The following RPTOR variants were observed in gnomAD, a reference collection of about 807,000 sequenced individuals.
RPTOR encodes regulatory associated protein of MTOR complex 1.
Under a neutral mutation model 169.9 loss-of-function variants are expected in RPTOR, and 21 were observed. That is an observed-to-expected ratio of 0.12 (90% CI 0.09 to 0.18). RPTOR has a LOEUF of 0.18. Ranked by LOEUF, RPTOR falls within the 10% of genes least tolerant of loss-of-function variation. The pLI, the probability that RPTOR is intolerant of heterozygous loss-of-function variation, is 1.00. For missense variants in RPTOR, 1,133 were observed against 1,855.9 expected, an observed-to-expected ratio of 0.61 and a Z score of 7.16; for synonymous variants, 732 against 753.2, an observed-to-expected ratio of 0.97 and a Z score of 0.46.
chr17:80,798,034 T>C (rs373946394), intron 7 of RPTOR, among the ~76,000 whole-genome samples: 27 of 152,342 alleles, frequency 1.8e-4, no homozygotes, highest in African/African-American at 6.5e-4. Flanking sequence ...TTCCCTTCAC[T>C]GAACATGTCA....
chr17:80,864,904 T>C (rs1376687126), intron 13 of RPTOR, among the ~76,000 whole-genome samples: 9 of 152,248 alleles, frequency 5.9e-5, no homozygotes, highest in Non-Finnish European at 8.8e-5. Flanking sequence ...CACCGCTCAC[T>C]GTAAGCTCAC....
chr17:80,635,154 C>T (rs1244212089), intron 2 of RPTOR, among the ~76,000 whole-genome samples: 1 of 152,204 alleles, frequency 6.6e-6, no homozygotes, highest in Admixed American at 6.5e-5. Context: ...TCTGCCATTG[C>T]TGCTCCTCTC....
At chr17:80,793,470 A>G (rs1260246933) in intron 7 of RPTOR, among the ~76,000 whole-genome samples, 1 of 151,880 alleles carries the variant, frequency 6.6e-6, no homozygotes, top group African/African-American at 2.4e-5. Context: ...CCCTGTGGCT[A>G]TTTCCATGGT....
intron 10 of RPTOR, among the ~76,000 whole-genome samples, chr17:80,841,778 C>G (rs1344314604): frequency 7.0e-6 from 1 of 142,450 alleles, no homozygotes. Context: ...CGCACGGCAG[C>G]TCACTCTCAC....
At chr17:80,737,104 T>C (rs1442931894) in intron 5 of RPTOR, among the ~76,000 whole-genome samples, 1 of 152,252 alleles carries the variant, frequency 6.6e-6, no homozygotes, top group Non-Finnish European at 1.5e-5. Context: ...AAGTTGTCTC[T>C]GTTTCCTCCA....
Position 80,962,657 on chromosome 17 carries a change from G to GC in RPTOR, c.3809+85dup, listed in dbSNP as rs201960993. 2.1e-3 allele frequency: 2,714 copies of GC among 1,321,248 alleles called. 33 individuals carry two copies. Among genetic ancestry groups the GC allele is most frequent in the South Asian group, 0.019 (1,484 of 78,914 alleles). 81.8% of individuals were successfully genotyped at this position (1,321,248 alleles called of 1,614,324 possible). A position where few individuals can be genotyped will look rare whatever the true frequency, so the allele number is the denominator to read the frequency against. ...GCAAACGGGAGGCTCTTGTGTTCCTGCCCCCAGGAGCTGAAGGAGGGCAGG... is the reference window on the plus strand; with the variant it reads ...GCAAACGGGAGGCTCTTGTGTTCCTGCCCCCCAGGAGCTGAAGGAGGGCAGG... On this transcript the variant is annotated intron_variant, in intron 32 of 33. Coordinates refer to ENST00000306801, the MANE Select transcript of RPTOR (RefSeq NM_020761.3).
At chr17:80,676,220 A>G (rs528876978) in intron 3 of RPTOR, among the ~76,000 whole-genome samples, 1 of 152,344 alleles carries the variant, frequency 6.6e-6, no homozygotes, top group South Asian at 2.1e-4. Context: ...CTGCTGCTTT[A>G]TCGATATGGA....
At chr17:80,889,115 A>G (rs1033747947) in intron 17 of RPTOR, among the ~76,000 whole-genome samples, 6 of 152,226 alleles carry the variant, frequency 3.9e-5, no homozygotes, top group Non-Finnish European at 5.9e-5. Context: ...GGGACGGCGC[A>G]GGAGGGAAGA....
At chr17:80,830,922 T>A (rs181736791) in intron 9 of RPTOR, among the ~76,000 whole-genome samples, 110 of 152,100 alleles carry the variant, frequency 7.2e-4, no homozygotes, top group Non-Finnish European at 3.4e-4. Context: ...GTTTTGTATT[T>A]TTTGTAGAGA....
intron 3 of RPTOR, among the ~76,000 whole-genome samples, chr17:80,700,149 T>C (rs370233820): frequency 5.3e-5 from 8 of 152,194 alleles, no homozygotes; most frequent in African/African-American, 1.9e-4. Context: ...AAAGATCCTT[T>C]CTTGTGGCTG....
intron 21 of RPTOR, chr17:80,909,574 GC>G (rs2068587769): frequency 6.6e-6 from 1 of 152,034 alleles, no homozygotes; most frequent in Non-Finnish European, 1.5e-5. Context: ...TCAGTGTGTC[GC>G]CCAAGCTGGT....
chr17:80,918,194 A>G (rs915547641), intron 21 of RPTOR, among the ~76,000 whole-genome samples: 1 of 152,208 alleles, frequency 6.6e-6, no homozygotes, highest in African/African-American at 2.4e-5. Flanking sequence ...TAGCTACAGA[A>G]TCAGATGTGG....
In RPTOR at chr17:80,966,225, T is replaced by A. The variant is rs1166835779; in HGVS notation, c.*1895T>A. On this transcript the variant is annotated 3_prime_UTR_variant, in exon 34 of 34. Transcript: ENST00000306801. ...TGATGTGAAAATTCAATCACGACGT[T>A]AACCGGCTCGAGAGAGCGCCGGCCT... 8.7e-6 allele frequency: 2 copies of A among 230,136 alleles called. No individual in the cohort carries two copies. Among genetic ancestry groups the A allele is most frequent in the African/African-American group, 4.4e-5 (2 of 45,078 alleles). 14.3% of individuals were successfully genotyped at this position (230,136 alleles called of 1,614,324 possible).
chr17:80,744,829 C>CCCTGGCTACTAGCACTGT (rs1567889331), intron 5 of RPTOR, among the ~76,000 whole-genome samples: 3 of 10,714 alleles, frequency 2.8e-4, no homozygotes, highest in Non-Finnish European at 5.9e-4. Flanking sequence ...ACTAGCACAG[C>CCCTGGCTACTAGCACTGT]CCTGGTTACT....
intron 20 of RPTOR, among the ~76,000 whole-genome samples, chr17:80,903,090 A>G (rs1325410820): frequency 6.6e-6 from 1 of 152,222 alleles, no homozygotes; most frequent in Non-Finnish European, 1.5e-5. Context: ...TACCATAGAA[A>G]TGGATCCAGG....
At chr17:80,734,907 T>C (rs942738183) in intron 5 of RPTOR, among the ~76,000 whole-genome samples, 8 of 152,172 alleles carry the variant, frequency 5.3e-5, no homozygotes, top group African/African-American at 1.9e-4. Context: ...ATTCACATGG[T>C]AGTAGATGTT....
intron 7 of RPTOR, among the ~76,000 whole-genome samples, chr17:80,794,609 G>A (rs1056136963): frequency 1.3e-5 from 2 of 152,182 alleles, no homozygotes; most frequent in East Asian, 1.9e-4. Flanking sequence ...AAACCTGTGC[G>A]TGAATGTTTA....
At chr17:80,743,017 T>C (rs2066500227) in intron 5 of RPTOR, among the ~76,000 whole-genome samples, 1 of 152,158 alleles carries the variant, frequency 6.6e-6, no homozygotes, top group African/African-American at 2.4e-5. Flanking sequence ...TCCTTTCTAA[T>C]TGGTGTTTGT....
chr17:80,932,034 A>G (rs890480717), intron 24 of RPTOR, among the ~76,000 whole-genome samples: 2 of 152,144 alleles, frequency 1.3e-5, no homozygotes, highest in African/African-American at 2.4e-5. Flanking sequence ...AGCTGGCCAC[A>G]TGCTGAGTGT....
Sources: gnomAD v4.1 joint callset for allele counts (sites outside exome capture counted in the v4.1 genomes callset) on GRCh38, gnomAD v4.1.1 for gene constraint, MANE v1.5 for transcripts, NCBI Gene and HGNC (gene_info 2026-07-23, HGNC 2026-07-21) for gene names.